Variants in GMDS observed in about 807,000 individuals in gnomAD.
GMDS encodes GDP-mannose 4,6 dehydratase.
GMDS carries 20 observed loss-of-function variants against 49.9 expected under a neutral mutation model. The observed-to-expected ratio is 0.40, with a 90% CI of 0.28 to 0.58. The LOEUF (loss-of-function observed/expected upper bound fraction) is 0.58, where lower values mean the gene tolerates loss of function less well. Ranked by LOEUF, GMDS falls within the 20% of genes least tolerant of loss-of-function variation. The probability of loss-of-function intolerance (pLI) is 0.42; values close to 1 mark genes in which losing one functional copy is unlikely to be tolerated. For synonymous variants in GMDS, 177 were observed against 178.6 expected (o/e 0.99, Z 0.07); for missense variants, 362 against 481.4 (o/e 0.75, Z 2.32).
chr6:1,826,024 A>T (rs192380750), intron 7 of GMDS, among the ~76,000 whole-genome samples: 1 of 152,150 alleles, frequency 6.6e-6, no homozygotes, highest in Non-Finnish European at 1.5e-5. Flanking sequence ...TCAAAAAAAT[A>T]AAAAGATAGA....
At position 2,104,957 on chromosome 6, in the gene GMDS, C is replaced by T. The variant is rs1020968332; in HGVS notation, c.345+10814G>A. Among the ~76,000 whole-genome samples, 12 of 152,018 alleles carry T rather than the reference C, an allele frequency of 7.9e-5. No individual in the cohort carries two copies. In the South Asian group the frequency reaches 1.5e-3, roughly 18 times the overall value. On this transcript the variant is annotated intron_variant, in intron 4 of 10. Transcript: ENST00000380815. Reference sequence around the variant, plus strand: ...CAGCACTTTGGGAGGCTGAGGCGGGCAGATCACAAAGTCAGGAGATCGAGA... The same window carrying T: ...CAGCACTTTGGGAGGCTGAGGCGGGTAGATCACAAAGTCAGGAGATCGAGA...
chr6:1,740,269 T>A lies in GMDS; in HGVS notation c.890+2199A>T, dbSNP rs149504570. Among the ~76,000 whole-genome samples, 671 of 152,282 alleles carry A rather than the reference T, an allele frequency of 4.4e-3. 4 individuals carry two copies. The highest frequency in any genetic ancestry group is 0.015 in the African/African-American group (620 of 41,572). ...GCTAAACTATACGTTTTAATTAAAATTTTTGGGCCAGGTGCGGTGGCTCAT... is the reference window on the plus strand; with the variant it reads ...GCTAAACTATACGTTTTAATTAAAAATTTTGGGCCAGGTGCGGTGGCTCAT... On this transcript the variant is annotated intron_variant, in intron 8 of 10. Coordinates refer to ENST00000380815, the MANE Select transcript of GMDS (RefSeq NM_001500.4).
At chr6:2,226,188 A>T (rs1015923116) in intron 1 of GMDS, among the ~76,000 whole-genome samples, 1 of 152,174 alleles carries the variant, frequency 6.6e-6, no homozygotes, top group African/African-American at 2.4e-5. Flanking sequence ...CACCAACAAT[A>T]TACTTTAATT....
intron 7 of GMDS, among the ~76,000 whole-genome samples, chr6:1,865,952 C>T (rs1036796220): frequency 6.6e-6 from 1 of 152,158 alleles, no homozygotes; most frequent in African/African-American, 2.4e-5. Context: ...CACAGAAAAA[C>T]ACTACCCCAA....
intron 1 of GMDS, among the ~76,000 whole-genome samples, chr6:2,128,540 G>A (rs1356014715): frequency 1.3e-5 from 2 of 152,086 alleles, no homozygotes; most frequent in Non-Finnish European, 2.9e-5. Context: ...GCACAGGGGG[G>A]TTAGCCAACT....
chr6:2,100,008 A>G (rs75138287), intron 4 of GMDS, among the ~76,000 whole-genome samples: 229 of 152,210 alleles, frequency 1.5e-3, no homozygotes, highest in African/African-American at 5.4e-3. Flanking sequence ...AACATACAGC[A>G]TAACTCTTAC....
chr6:1,634,701 C>T (rs1007497013), intron 9 of GMDS, among the ~76,000 whole-genome samples: 1 of 152,074 alleles, frequency 6.6e-6, no homozygotes, highest in Non-Finnish European at 1.5e-5. Flanking sequence ...TGCATGAGTT[C>T]AAAGATGCCT....
At chr6:1,930,605 G>A (rs79517950) in intron 6 of GMDS, 2,097 of 165,096 alleles carry the variant, frequency 0.013, 47 homozygotes, top group African/African-American at 0.047. Flanking sequence ...CAGAATGGAC[G>A]ACAGACATCT....
chr6:2,049,582 G>C (rs1435775188), intron 4 of GMDS, among the ~76,000 whole-genome samples: 1 of 152,186 alleles, frequency 6.6e-6, no homozygotes, highest in East Asian at 1.9e-4. Flanking sequence ...TCAAGGTAAG[G>C]ATCTTAAGAT....
At chr6:2,155,717 G>A (rs1777082747) in intron 1 of GMDS, among the ~76,000 whole-genome samples, 1 of 152,182 alleles carries the variant, frequency 6.6e-6, no homozygotes, top group African/African-American at 2.4e-5. Flanking sequence ...TGATGTGTAA[G>A]AAGAATAGCC....
chr6:1,889,416 C>T (rs1373708705), intron 7 of GMDS, among the ~76,000 whole-genome samples: 3 of 152,078 alleles, frequency 2.0e-5, no homozygotes, highest in African/African-American at 2.4e-5. Context: ...AAAAAAGAGC[C>T]GTGCTCCCAG....
At chr6:1,662,298 A>G (rs943888079) in intron 9 of GMDS, among the ~76,000 whole-genome samples, 12 of 152,150 alleles carry the variant, frequency 7.9e-5, no homozygotes, top group African/African-American at 2.9e-4. Flanking sequence ...GTGGATGATG[A>G]CAGTGATCCC....
At chr6:2,028,627 T>G (rs2127413987) in intron 4 of GMDS, among the ~76,000 whole-genome samples, 1 of 152,308 alleles carries the variant, frequency 6.6e-6, no homozygotes, top group African/African-American at 2.4e-5. Flanking sequence ...AGAGGAAGGA[T>G]GCCCACTTTA....
intron 9 of GMDS, among the ~76,000 whole-genome samples, chr6:1,639,990 T>G (rs565051362): frequency 6.6e-6 from 1 of 152,330 alleles, no homozygotes; most frequent in South Asian, 2.1e-4. Context: ...TGTATAAGCC[T>G]GTTGAATGAT....
chr6:1,750,268 A>C (rs1173529629), intron 7 of GMDS, among the ~76,000 whole-genome samples: 1 of 152,238 alleles, frequency 6.6e-6, no homozygotes, highest in Non-Finnish European at 1.5e-5. Flanking sequence ...CCTTATATTT[A>C]GTCATTTAAA....
At chr6:1,773,615 G>A (rs1350568497) in intron 7 of GMDS, among the ~76,000 whole-genome samples, 1 of 152,234 alleles carries the variant, frequency 6.6e-6, no homozygotes, top group East Asian at 1.9e-4. Context: ...TCGGAAACAG[G>A]CCTGTGCTGA....
At chr6:1,957,225 C>T (rs1433134910) in intron 6 of GMDS, among the ~76,000 whole-genome samples, 1 of 152,128 alleles carries the variant, frequency 6.6e-6, no homozygotes, top group Non-Finnish European at 1.5e-5. Context: ...TAAGCTGTTC[C>T]TGAAACATGA....
intron 6 of GMDS, among the ~76,000 whole-genome samples, chr6:1,957,752 AAATTTTATTTT>A (rs1187291120): frequency 6.6e-6 from 1 of 152,206 alleles, no homozygotes; most frequent in African/African-American, 2.4e-5. Flanking sequence ...TTTTACTTTA[AAATTTTATTTT>A]AAATGAAGAC....
At chr6:1,922,912 C>T (rs528702629) in intron 7 of GMDS, among the ~76,000 whole-genome samples, 6 of 152,322 alleles carry the variant, frequency 3.9e-5, no homozygotes, top group East Asian at 1.9e-4. Flanking sequence ...ATAATTCCCA[C>T]GTGTTGTGGG....
Sources: gnomAD v4.1 joint callset for allele counts (sites outside exome capture counted in the v4.1 genomes callset) on GRCh38, gnomAD v4.1.1 for gene constraint, MANE v1.5 for transcripts, NCBI Gene and HGNC (gene_info 2026-07-23, HGNC 2026-07-21) for gene names.